The following ZNF440 variants were observed in gnomAD, a reference collection of about 807,000 sequenced individuals.
ZNF440 encodes the protein zinc finger protein 440.
A neutral mutation model predicts 49.7 loss-of-function variants in ZNF440; 47 were observed. The ratio of observed to expected loss-of-function variants is 0.95; its 90% CI spans 0.75 to 1.21. The LOEUF is 1.21. ZNF440 is among the 50% of genes most tolerant of loss of function. ZNF440 has a pLI of 0.00. For synonymous variants in ZNF440, 255 were observed against 237.7 expected, an observed-to-expected ratio of 1.07 and a Z score of -0.67; for missense variants, 703 against 715.0, an observed-to-expected ratio of 0.98 and a Z score of 0.19.
In ZNF440 at chr19:11,832,764, T is replaced by C. The variant is rs201950242; in HGVS notation, c.1588T>C (p.Phe530Leu). 2.0e-5 allele frequency: 32 copies of C among 1,613,282 alleles called. No individual in the cohort carries two copies. The African/African-American group carries it at 4.1e-4, about 21-fold the overall frequency. The change falls in exon 4 of 4, where the codon TTT becomes CTT. Residue 530 changes from phenylalanine to leucine, a missense_variant. Coordinates refer to ENST00000304060, the MANE Select transcript of ZNF440 (RefSeq NM_152357.3). ...VGKPSELCQS[F>L]ECMVGLTLKR... ...AAAGCCTTCAGAGCTGTGTCAATCC[T>C]TTGAATGCATGGTAGGACTCACCCT...
At chr19:11,815,283 G>GACACACACAC (rs1330545842) in intron 1 of ZNF440, among the ~76,000 whole-genome samples, 2 of 43,116 alleles carry the variant, frequency 4.6e-5, no homozygotes, top group Non-Finnish European at 9.9e-5. Flanking sequence ...GGGCAACTCC[G>GACACACACAC]TCACACACAC....
chr19:11,826,091 G>A (rs1263591027), intron 1 of ZNF440, among the ~76,000 whole-genome samples: 4 of 152,154 alleles, frequency 2.6e-5, no homozygotes, highest in Non-Finnish European at 4.4e-5. Flanking sequence ...GATTACAGGC[G>A]TGAGCCACCG....
Position 11,832,120 on chromosome 19 carries a change from A to C in ZNF440, c.944A>C (p.Lys315Thr), listed in dbSNP as rs140710381. ...TCTAGGAAAAATCTCTATGAATGTA[A>C]GCAGTGTGGGAAAGCATTATCCTCT... is the stretch of plus-strand genomic sequence containing the variant. ...THSRKNLYEC[K>T]QCGKALSSLT... is the part of the protein sequence containing the mutation. The change falls in exon 4 of 4, where the codon AAG (lysine) becomes ACG (threonine). Residue 315 changes from lysine to threonine, a missense_variant. Coordinates refer to ENST00000304060, the MANE Select transcript of ZNF440 (RefSeq NM_152357.3). 6.4e-5 allele frequency: 103 copies of C among 1,614,216 alleles called. No individual in the cohort carries two copies. The African/African-American group carries it at 1.1e-3, about 17-fold the overall frequency.
Position 11,831,743 on chromosome 19 carries a change from A to G in ZNF440, c.567A>G (p.Arg189=), listed in dbSNP as rs986397488. The change falls in exon 4 of 4, where the codon AGA becomes AGG. Residue 189 remains arginine, a synonymous_variant. Coordinates refer to ENST00000304060, the MANE Select transcript of ZNF440 (RefSeq NM_152357.3). Reference sequence around the variant, plus strand: ...TTATTTCCCATTCAAGTGTTCGAAGACACATGGTAATGCACAGTGGGGATG... The same window carrying G: ...TTATTTCCCATTCAAGTGTTCGAAGGCACATGGTAATGCACAGTGGGGATG... The part of the protein sequence containing the change: ...KTFISHSSVR[R]HMVMHSGDGP... The G allele has an allele frequency of 1.2e-6, 2 of 1,614,018 alleles. No homozygotes were observed. The highest frequency in any genetic ancestry group is 8.5e-7 in the Non-Finnish European group (1 of 1,180,030).
At chr19:11,829,254 C>G (rs1975903917) in intron 1 of ZNF440, among the ~76,000 whole-genome samples, 1 of 151,572 alleles carries the variant, frequency 6.6e-6, no homozygotes, top group Non-Finnish European at 1.5e-5. Context: ...TACATTCTGA[C>G]AGGATAACTG....
At position 11,830,391 on chromosome 19, in the gene ZNF440, A is replaced by G. The variant is rs201731249; in HGVS notation, c.112A>G (p.Arg38Gly). 1 of 1,614,154 alleles carries G rather than the reference A, an allele frequency of 6.2e-7. No homozygotes were observed. Among genetic ancestry groups the G allele is most frequent in the South Asian group, 1.1e-5 (1 of 91,086 alleles). Residue 38 changes from arginine (R) to glycine (G), a missense_variant, in exon 2 of 4, where the codon AGG becomes GGG. Coordinates refer to ENST00000304060, the MANE Select transcript of ZNF440 (RefSeq NM_152357.3). ...LYREVMLETFRNLTSLGKRWK... is the reference protein window; with the variant it reads ...LYREVMLETFGNLTSLGKRWK... ...CAGGGAAGTGATGCTGGAAACTTTCAGGAACCTGACCTCTTTAGGTAAGGA... is the reference window on the plus strand; with the variant it reads ...CAGGGAAGTGATGCTGGAAACTTTCGGGAACCTGACCTCTTTAGGTAAGGA...
At chr19:11,826,499 G>A (rs575421545) in intron 1 of ZNF440, among the ~76,000 whole-genome samples, 15 of 152,214 alleles carry the variant, frequency 9.9e-5, no homozygotes, top group East Asian at 7.7e-4. Context: ...TCAGAGCTCC[G>A]CAGACTGTCT....
intron 1 of ZNF440, among the ~76,000 whole-genome samples, chr19:11,818,288 C>G (rs529909299): frequency 1.3e-5 from 2 of 152,078 alleles, no homozygotes; most frequent in Admixed American, 1.3e-4. Context: ...GACATCAGGA[C>G]ATTCTGTTGT....
Position 11,833,709 on chromosome 19 carries a change from C to A in ZNF440, c.*745C>A. 2 of 664,396 alleles carry A rather than the reference C, an allele frequency of 3.0e-6. No individual in the cohort carries two copies. The highest frequency in any genetic ancestry group is 2.0e-5 in the South Asian group (1 of 49,010). The allele number at this position is 664,396 out of a possible 1,614,324, so 41.2% of individuals were successfully genotyped here. On this transcript the variant is annotated 3_prime_UTR_variant, in exon 4 of 4. Coordinates refer to ENST00000304060, the MANE Select transcript of ZNF440 (RefSeq NM_152357.3). ...CATTTCTTCTAGTTCCCTTCAATATCATGAAAGGACTCACACTGGAGAGAA... is the reference window on the plus strand; with the variant it reads ...CATTTCTTCTAGTTCCCTTCAATATAATGAAAGGACTCACACTGGAGAGAA...
intron 1 of ZNF440, among the ~76,000 whole-genome samples, chr19:11,828,109 G>A (rs996359663): frequency 2.9e-4 from 44 of 152,074 alleles, no homozygotes; most frequent in African/African-American, 1.0e-3. Context: ...CACATGCTTA[G>A]CGTTCCAAAA....
chr19:11,819,132 A>T (rs1430339268), intron 1 of ZNF440, among the ~76,000 whole-genome samples: 3 of 151,714 alleles, frequency 2.0e-5, no homozygotes, highest in Non-Finnish European at 4.4e-5. Context: ...ACATAGTGAG[A>T]CCCTCCCCCC....
At chr19:11,825,767 C>T (rs1975855511) in intron 1 of ZNF440, among the ~76,000 whole-genome samples, 1 of 151,660 alleles carries the variant, frequency 6.6e-6, no homozygotes, top group Admixed American at 6.6e-5. Flanking sequence ...CACTTGTGAG[C>T]CACCATGTCC....
chr19:11,824,368 T>C (rs1361465415), intron 1 of ZNF440, among the ~76,000 whole-genome samples: 1 of 152,110 alleles, frequency 6.6e-6, no homozygotes, highest in Non-Finnish European at 1.5e-5. Context: ...ACAAAATACA[T>C]AAAAGAATTG....
chr19:11,814,520 G>A, intron 1 of ZNF440, 70 bp downstream of exon 1: 1 of 1,404,658 alleles, frequency 7.1e-7, no homozygotes, highest in South Asian at 1.6e-5. Flanking sequence ...CGGCTGAGGC[G>A]GGACCCGGGC....
At chr19:11,822,845 T>TAAAAAAAAAAAAAAAAAAAAA (rs547706900) in intron 1 of ZNF440, among the ~76,000 whole-genome samples, 1 of 117,534 alleles carries the variant, frequency 8.5e-6, no homozygotes, top group Non-Finnish European at 1.8e-5. Flanking sequence ...GAAACTCCGT[T>TAAAAAAAAAAAAAAAAAAAAA]AAAAAAAAAA....
At chr19:11,830,246 C>A in intron 1 of ZNF440, 37 bp from the exon 2 acceptor site, 1 of 1,613,164 alleles carries the variant, frequency 6.2e-7, no homozygotes, top group Non-Finnish European at 8.5e-7. Context: ...TGCTGTCACT[C>A]TCACCCATCT....
At position 11,835,035 on chromosome 19, in the gene ZNF440, C is replaced by T. The variant is rs1244488337; in HGVS notation, c.*2071C>T. 4.6e-5 allele frequency: 7 copies of T among 151,436 alleles called. No individual in the cohort carries two copies. The highest frequency in any genetic ancestry group is 1.7e-4 in the African/African-American group (7 of 41,156). The allele number at this position is 151,436 out of a possible 1,614,324, so 9.4% of individuals were successfully genotyped here. On this transcript the variant is annotated 3_prime_UTR_variant, in exon 4 of 4. Transcript: ENST00000304060. Reference sequence around the variant, plus strand: ...CACCATTGTACTCCAGCCTGGGCAACAAGAGTGAAACTCTGTCTTAAAAAA... The same window carrying T: ...CACCATTGTACTCCAGCCTGGGCAATAAGAGTGAAACTCTGTCTTAAAAAA...
Position 11,833,042 on chromosome 19 carries a change from G to A in ZNF440, c.*78G>A, listed in dbSNP as rs941730543. 6.9e-6 allele frequency: 11 copies of A among 1,588,706 alleles called. No individual in the cohort carries two copies. Among genetic ancestry groups the A allele is most frequent in the Admixed American group, 1.8e-5 (1 of 54,152 alleles). ...TTCTGCCAAGTCATTTCAAATACATGAAAAATCTTACACTGGAGAGAAACC... is the reference window on the plus strand; with the variant it reads ...TTCTGCCAAGTCATTTCAAATACATAAAAAATCTTACACTGGAGAGAAACC... On this transcript the variant is annotated 3_prime_UTR_variant, in exon 4 of 4. Transcript: ENST00000304060.
chr19:11,818,410 G>A (rs1379907525), intron 1 of ZNF440, among the ~76,000 whole-genome samples: 1 of 152,070 alleles, frequency 6.6e-6, no homozygotes, highest in Admixed American at 6.6e-5. Context: ...GTCTCAAGAT[G>A]GAGCTGAACT....
Sources: allele counts gnomAD v4.1 joint callset (sites outside exome capture counted in the v4.1 genomes callset), GRCh38; gene constraint gnomAD v4.1.1; transcripts MANE v1.5; gene names NCBI Gene and HGNC (gene_info 2026-07-23, HGNC 2026-07-21).